FXR2: variants seen among roughly 807,000 people sequenced by gnomAD.
The protein encoded by FXR2 is RNA-binding protein FXR2.
A neutral mutation model predicts 87.3 loss-of-function variants in FXR2; 9 were observed. The ratio of observed to expected loss-of-function variants is 0.10; its 90% CI spans 0.06 to 0.18. The LOEUF (loss-of-function observed/expected upper bound fraction) is 0.18, where lower values mean the gene tolerates loss of function less well. Among genes scored for constraint, FXR2 ranks in the 10% least tolerant of loss-of-function variants. FXR2 has a pLI of 1.00. For missense variants in FXR2, 661 were observed against 893.6 expected (o/e 0.74, Z 3.32); for synonymous variants, 331 against 328.3 (o/e 1.01, Z -0.09).
chr17:7,605,690 A>G lies in FXR2; in HGVS notation c.183T>C (p.Pro61=). Residue 61 remains proline, a synonymous_variant, in exon 3 of 17, where the codon CCT becomes CCC. Coordinates refer to ENST00000250113, the MANE Select transcript of FXR2 (RefSeq NM_004860.4). ...TGATCTCCTTATTATAGTCAGCTGGAGGTGGTAGCCGGACATCCCCAAAAG... is the reference window on the plus strand; with the variant it reads ...TGATCTCCTTATTATAGTCAGCTGGGGGTGGTAGCCGGACATCCCCAAAAG... The part of the protein sequence containing the change: ...QIPFGDVRLP[P]PADYNKEITE... 1 of 1,598,124 alleles carries G rather than the reference A, an allele frequency of 6.3e-7. No homozygotes were observed. Among genetic ancestry groups the G allele is most frequent in the Non-Finnish European group, 8.6e-7 (1 of 1,166,468 alleles).
chr17:7,595,696 C>T lies in FXR2; in HGVS notation c.831+128G>A, dbSNP rs2150941320. ...CTCCTAGGCTCAAGTGATCCTCTCA[C>T]TTTGACCTCCGAAGGTGCTGGGATT... On this transcript the variant is annotated intron_variant, in intron 8 of 16. Transcript: ENST00000250113. This position sits in a 1 kb window ranked among gnomAD's most constrained non-coding sequence, Gnocchi z 4.7. The T allele has an allele frequency of 7.3e-6, 5 of 682,550 alleles. No individual in the cohort carries two copies. The highest frequency in any genetic ancestry group is 2.8e-5 in the Admixed American group (1 of 35,742). 42.3% of individuals were successfully genotyped at this position (682,550 alleles called of 1,614,324 possible).
intron 6 of FXR2, 92 bp from the exon 7 acceptor site, chr17:7,601,617 C>T (rs892429308): frequency 5.1e-6 from 4 of 789,878 alleles, no homozygotes; most frequent in Admixed American, 1.9e-5. Context: ...GCCTAAGTCC[C>T]GGGAAAAGGG....
Position 7,593,625 on chromosome 17 carries a change from C to G in FXR2, c.1108G>C (p.Glu370Gln). The change falls in exon 12 of 17, where the codon GAG becomes CAG. Residue 370 changes from glutamate (E) to glutamine (Q), a missense_variant and splice_region_variant. Glu to Gln is a conservative substitution (Grantham distance 29). Around this residue, in one of 3 missense-constraint regions of FXR2, gnomAD observed 409 missense variants for 432.0 expected, o/e 0.95. Coordinates refer to ENST00000250113, the MANE Select transcript of FXR2 (RefSeq NM_004860.4). This position sits in a 1 kb window ranked among gnomAD's most constrained non-coding sequence, Gnocchi z 6.1. ...CTCTCCAAGCGAAGCTGCTCTACCT[C>G]CTGGTTGGGTAAAAGATGGAAGAAG... ...LLEYHLSYLQ[E>Q]VEQLRLERLQ... 6.3e-7 allele frequency: 1 copy of G among 1,575,624 alleles called. No individual in the cohort carries two copies. Among genetic ancestry groups the G allele is most frequent in the Non-Finnish European group, 8.6e-7 (1 of 1,160,588 alleles).
chr17:7,591,782 G>T lies in FXR2; in HGVS notation c.*48C>A. 9.9e-7 allele frequency: 1 copy of T among 1,014,448 alleles called. No individual in the cohort carries two copies. Among genetic ancestry groups the T allele is most frequent in the Non-Finnish European group, 1.6e-6 (1 of 636,172 alleles). 62.8% of individuals were successfully genotyped at this position (1,014,448 alleles called of 1,614,324 possible). ...CAGTTGGGCCTGTGAGGGCCATGGT[G>T]TTGGGCAGCAAGCGAGATGGAGAAG... On this transcript the variant is annotated 3_prime_UTR_variant, in exon 17 of 17. Coordinates refer to ENST00000250113, the MANE Select transcript of FXR2 (RefSeq NM_004860.4). This position sits in a 1 kb window ranked among gnomAD's most constrained non-coding sequence, Gnocchi z 4.0.
chr17:7,592,206 G>A lies in FXR2; in HGVS notation c.1926+48C>T, dbSNP rs746987630. 2.6e-6 allele frequency: 4 copies of A among 1,543,166 alleles called. No individual in the cohort carries two copies. The highest frequency in any genetic ancestry group is 3.5e-5 in the Admixed American group (2 of 57,044). Reference sequence around the variant, plus strand: ...GAAATTTTTTGTGCCCCCTGCCCCAGAGTAACAACAAAAAAGGGATGGGGT... The same window carrying A: ...GAAATTTTTTGTGCCCCCTGCCCCAAAGTAACAACAAAAAAGGGATGGGGT... On this transcript the variant is annotated intron_variant, in intron 16 of 16. Transcript: ENST00000250113. The surrounding 1 kb of genome is among the most constrained non-coding windows in gnomAD (Gnocchi z 4.8).
chr17:7,594,388 T>A lies in FXR2; in HGVS notation c.911-41A>T. ...GAGGAATTCAGCCTTTTATTTTTTT[T>A]AAGGAAATAAGAATAAAGCTGATAC... On this transcript the variant is annotated intron_variant, in intron 9 of 16. Coordinates refer to ENST00000250113, the MANE Select transcript of FXR2 (RefSeq NM_004860.4). This position sits in a 1 kb window ranked among gnomAD's most constrained non-coding sequence, Gnocchi z 5.1. 7.9e-7 allele frequency: 1 copy of A among 1,265,014 alleles called. No individual in the cohort carries two copies. The highest frequency in any genetic ancestry group is 1.1e-6 in the Non-Finnish European group (1 of 869,628). The allele number at this position is 1,265,014 out of a possible 1,614,324, so 78.4% of individuals were successfully genotyped here.
In FXR2 at chr17:7,595,494, GTCTC is replaced by G. The variant is rs34568963; in HGVS notation, c.831+326_831+329del. 0.17 allele frequency among the ~76,000 whole-genome samples: 25,076 copies of G among 151,668 alleles called. 2,138 individuals are homozygous for G. The highest frequency in any genetic ancestry group is 0.19 in the Non-Finnish European group (12,848 of 67,904). ...GGTTTTTTTGGGGGGTAAAGACAGGGTCTCTCTATGTTGTCCAGGTTGTTCTCCA... is the reference window on the plus strand; with the variant it reads ...GGTTTTTTTGGGGGGTAAAGACAGGGTCTATGTTGTCCAGGTTGTTCTCCA... On this transcript the variant is annotated intron_variant, in intron 8 of 16. Transcript: ENST00000250113. The surrounding 1 kb of genome is among the most constrained non-coding windows in gnomAD (Gnocchi z 4.7).
chr17:7,598,896 A>C (rs1597874181), intron 7 of FXR2, among the ~76,000 whole-genome samples: 1 of 152,196 alleles, frequency 6.6e-6, no homozygotes, highest in East Asian at 1.9e-4. Context: ...CTGTAATCCC[A>C]GTACTTTGGG....
intron 1 of FXR2, among the ~76,000 whole-genome samples, chr17:7,607,889 A>G (rs931046816): frequency 1.3e-5 from 2 of 151,898 alleles, no homozygotes; most frequent in African/African-American, 4.8e-5. Context: ...TCCGCCTCCC[A>G]GGTTCAAGCA....
Position 7,605,628 on chromosome 17 carries a change from T to C in FXR2, c.228+17A>G, listed in dbSNP as rs780589928. The C allele has an allele frequency of 8.0e-7, 1 of 1,255,080 alleles. No homozygotes were observed. The highest frequency in any genetic ancestry group is 1.2e-5 in the South Asian group (1 of 81,640). 77.7% of individuals were successfully genotyped at this position (1,255,080 alleles called of 1,614,324 possible). ...GGGAAAAGTGACATTTAGAAAGGTG[T>C]ACTCCACAGCCCTTACCTCCACTTC... On this transcript the variant is annotated intron_variant, in intron 3 of 16. Coordinates refer to ENST00000250113, the MANE Select transcript of FXR2 (RefSeq NM_004860.4).
At chr17:7,602,573 A>G (rs888439900) in intron 6 of FXR2, among the ~76,000 whole-genome samples, 1 of 151,774 alleles carries the variant, frequency 6.6e-6, no homozygotes, top group Non-Finnish European at 1.5e-5. Flanking sequence ...ATCTCAAAAA[A>G]AAAAAAATTA....
intron 1 of FXR2, among the ~76,000 whole-genome samples, chr17:7,613,740 G>A (rs1230485353): frequency 6.6e-6 from 1 of 152,196 alleles, no homozygotes; most frequent in African/African-American, 2.4e-5. Flanking sequence ...TGAGGTCTAA[G>A]TGAGACCTCA....
At chr17:7,605,850 G>A (rs1252112488) in intron 2 of FXR2, 112 bp from the exon 3 acceptor site, 7 of 721,798 alleles carry the variant, frequency 9.7e-6, no homozygotes, top group African/African-American at 1.8e-5. Flanking sequence ...TGGATAATTA[G>A]AGGCTAAACC....
At position 7,604,083 on chromosome 17, in the gene FXR2, A is replaced by G. The variant is rs766208119; in HGVS notation, c.229-3T>C. ...TGTTCATTGGCTCGAGAATAAACCT[A>G]AAGAAAAGTAGAGAATCAAAGAGAT... On this transcript the variant is annotated splice_polypyrimidine_tract_variant and splice_region_variant and intron_variant, in intron 3 of 16. Transcript: ENST00000250113. 1 of 1,560,194 alleles carries G rather than the reference A, an allele frequency of 6.4e-7. No individual in the cohort carries two copies. Among genetic ancestry groups the G allele is most frequent in the Middle Eastern group, 1.7e-4 (1 of 5,994 alleles).
intron 1 of FXR2, among the ~76,000 whole-genome samples, chr17:7,609,935 T>TATATACATGTATATGTATAC: frequency 9.6e-6 from 1 of 104,420 alleles, no homozygotes; most frequent in Non-Finnish European, 1.9e-5. Flanking sequence ...TATATGTATA[T>TATATACATGTATATGTATAC]ATATACATGT....
In FXR2 at chr17:7,593,131, C is replaced by G; in HGVS notation, c.1381G>C (p.Glu461Gln). Residue 461 changes from glutamate (E) to glutamine (Q), a missense_variant, in exon 13 of 17, where the codon GAG (glutamate) becomes CAG (glutamine). Transcript: ENST00000250113. This position sits in a 1 kb window ranked among gnomAD's most constrained non-coding sequence, Gnocchi z 6.1. Reference sequence around the variant, plus strand: ...CCAGGCCCAGCTCGGTTGGGCTCCTCTCTCTTCTCTGACTCAGTCTCTGAA... The same window carrying G: ...CCAGGCCCAGCTCGGTTGGGCTCCTGTCTCTTCTCTGACTCAGTCTCTGAA... Reference protein sequence around the residue: ...TASETESEKREEPNRAGPGDR... With the variant: ...TASETESEKRQEPNRAGPGDR... 6.4e-7 allele frequency: 1 copy of G among 1,565,522 alleles called. No homozygotes were observed. The highest frequency in any genetic ancestry group is 8.6e-7 in the Non-Finnish European group (1 of 1,158,714).
intron 6 of FXR2, among the ~76,000 whole-genome samples, chr17:7,601,977 C>CA (rs2071760434): frequency 1.3e-5 from 2 of 152,058 alleles, no homozygotes; most frequent in South Asian, 4.1e-4. Context: ...GTCAGTCCCA[C>CA]AAAGGCTGAC....
chr17:7,596,083 C>T, intron 7 of FXR2, 89 bp from the exon 8 acceptor site: 1 of 982,498 alleles, frequency 1.0e-6, no homozygotes. Flanking sequence ...ATAAGGAAAA[C>T]TGTGTGATAT....
Position 7,593,958 on chromosome 17 carries a change from T to C in FXR2, c.1067A>G (p.Asn356Ser), listed in dbSNP as rs766032148. The C allele has an allele frequency of 6.2e-7, 1 of 1,612,118 alleles. No individual in the cohort carries two copies. The highest frequency in any genetic ancestry group is 8.5e-7 in the Non-Finnish European group (1 of 1,178,226). ...GTGATACTCCAGCAAAGCCTGGGCATTGCTGATGTTCTCTCGGGTGCCAAC... is the reference window on the plus strand; with the variant it reads ...GTGATACTCCAGCAAAGCCTGGGCACTGCTGATGTTCTCTCGGGTGCCAAC... Reference protein sequence around the residue: ...IFVGTRENISNAQALLEYHLS... With the variant: ...IFVGTRENISSAQALLEYHLS... Residue 356 changes from asparagine (N) to serine (S), a missense_variant, in exon 11 of 17, where the codon AAT becomes AGT. Physicochemically the swap from Asn to Ser is conservative, Grantham distance 46. Coordinates refer to ENST00000250113, the MANE Select transcript of FXR2 (RefSeq NM_004860.4). The surrounding 1 kb of genome is among the most constrained non-coding windows in gnomAD (Gnocchi z 6.1).
Sources: allele counts gnomAD v4.1 joint callset (sites outside exome capture counted in the v4.1 genomes callset), GRCh38; gene constraint gnomAD v4.1.1; regional missense constraint gnomAD v4.1.1; non-coding constraint Gnocchi (gnomAD v3.1); transcripts MANE v1.5; gene names NCBI Gene and HGNC (gene_info 2026-07-23, HGNC 2026-07-21).